Variants in RESF1 observed in about 807,000 individuals in gnomAD.
The protein encoded by RESF1 is gonad expressed transcript.
Under a neutral mutation model 134.7 loss-of-function variants are expected in RESF1, and 65 were observed. The observed-to-expected ratio is 0.48, with a 90% confidence interval of 0.40 to 0.59. RESF1 has a LOEUF of 0.59. Among genes scored for constraint, RESF1 ranks in the 20% least tolerant of loss-of-function variants. The pLI, the probability that RESF1 is intolerant of heterozygous loss-of-function variation, is 0.00. For synonymous variants in RESF1, 762 were observed against 702.2 expected (o/e 1.09, Z -1.35); for missense variants, 2,274 against 2,002.7 (o/e 1.14, Z -2.59).
rs1284765001 is a variant in RESF1, at chr12:31,992,434, C to T, written c.5143C>T (p.Leu1715=). The change falls in exon 6 of 6, where the codon CTA becomes TTA. Residue 1715 remains leucine (L), a synonymous_variant. Transcript: ENST00000312561. ...RSFSADGFEM[L]QNPVKDSKEM... ...CTTCAGTGCAGATGGATTTGAGATG[C>T]TACAAAACCCAGTAAAAGATTCAAA... is the stretch of plus-strand genomic sequence containing the variant. The T allele has an allele frequency of 1.2e-6, 2 of 1,613,526 alleles. No homozygotes were observed. The highest frequency in any genetic ancestry group is 1.7e-6 in the Non-Finnish European group (2 of 1,179,542).
intron 2 of RESF1, among the ~76,000 whole-genome samples, chr12:31,964,117 T>G (rs755188990): frequency 6.6e-6 from 1 of 152,228 alleles, no homozygotes; most frequent in Admixed American, 6.5e-5. Flanking sequence ...CCAAAGTAGA[T>G]TTACCACTTT....
Position 31,982,449 on chromosome 12 carries a change from C to G in RESF1, c.1494C>G (p.Asn498Lys), listed in dbSNP as rs528187053. 109 of 1,613,842 alleles carry G rather than the reference C, an allele frequency of 6.8e-5. 1 individual carries two copies. The South Asian group carries it at 1.2e-3, about 18-fold the overall frequency. ...DIQEVNCRRF[N>K]QVDSVLPNPV... Reference sequence around the variant, plus strand: ...AGGAAGTCAATTGCAGAAGGTTTAACCAAGTTGATTCTGTTTTACCAAATC... The same window carrying G: ...AGGAAGTCAATTGCAGAAGGTTTAAGCAAGTTGATTCTGTTTTACCAAATC... Residue 498 changes from asparagine to lysine, a missense_variant, in exon 4 of 6, where the codon AAC becomes AAG. Coordinates refer to ENST00000312561, the MANE Select transcript of RESF1 (RefSeq NM_018169.4).
chr12:31,981,665 T>C lies in RESF1; in HGVS notation c.710T>C (p.Ile237Thr), dbSNP rs1939795502. Residue 237 changes from isoleucine to threonine, a missense_variant, in exon 4 of 6, where the codon ATA (isoleucine) becomes ACA (threonine). Physicochemically the swap from Ile to Thr is moderately conservative, Grantham distance 89. Transcript: ENST00000312561. ...TCTACCATTCAAAAACAAAACTTTA[T>C]ACCACATACATCATTGCAAGTTAAA... ...PDSTIQKQNF[I>T]PHTSLQVKNS... is the part of the protein sequence containing the mutation. The C allele has an allele frequency of 6.2e-7, 1 of 1,613,898 alleles. No individual in the cohort carries two copies. Among genetic ancestry groups the C allele is most frequent in the Non-Finnish European group, 8.5e-7 (1 of 1,179,944 alleles).
intron 3 of RESF1, among the ~76,000 whole-genome samples, chr12:31,972,430 C>T (rs1939530691): frequency 6.6e-6 from 1 of 151,640 alleles, no homozygotes; most frequent in South Asian, 2.1e-4. Context: ...CATGGTGAAA[C>T]CCTGTCTCTA....
chr12:31,962,220 T>TTA (rs377663575), intron 2 of RESF1, among the ~76,000 whole-genome samples: 1,400 of 132,650 alleles, frequency 0.011, 9 homozygotes, highest in East Asian at 0.022. Context: ...TCTGTCTTTT[T>TTA]AAAAAAAAAA....
intron 2 of RESF1, among the ~76,000 whole-genome samples, chr12:31,963,123 T>C (rs1202729748): frequency 6.6e-6 from 1 of 152,068 alleles, no homozygotes; most frequent in Non-Finnish European, 1.5e-5. Context: ...CCCAGCACTT[T>C]GGGAGGCCAA....
Sources: allele counts gnomAD v4.1 joint callset (sites outside exome capture counted in the v4.1 genomes callset), GRCh38; gene constraint gnomAD v4.1.1; transcripts MANE v1.5; gene names NCBI Gene and HGNC (gene_info 2026-07-23, HGNC 2026-07-21).